SYNC: variants seen among roughly 807,000 people sequenced by gnomAD.
SYNC encodes the protein syncoilin, intermediate filament protein, also known as syncoilin.
In SYNC, 38 loss-of-function variants were observed where a neutral mutation model predicts 49.5. That is an observed-to-expected ratio of 0.77 (90% CI 0.59 to 1.01). The LOEUF (loss-of-function observed/expected upper bound fraction) is 1.01. SYNC is among the 50% of genes least tolerant of loss of function. SYNC has a pLI of 0.00. For synonymous variants in SYNC, 201 were observed against 230.8 expected, an observed-to-expected ratio of 0.87 and a Z score of 1.17; for missense variants, 579 against 580.6, an observed-to-expected ratio of 1.00 and a Z score of 0.03.
At chr1:32,685,725 A>T (rs1030737604) in intron 2 of SYNC, 2 of 152,156 alleles carry the variant, frequency 1.3e-5, no homozygotes, top group African/African-American at 4.8e-5. Context: ...TACCTACCAG[A>T]CCCGTTGGTA....
rs746762286 is a variant in SYNC at position 32,695,028 on chromosome 1, C to T, written c.1070G>A (p.Gly357Glu). 1 of 1,613,912 alleles carries T rather than the reference C, an allele frequency of 6.2e-7. No individual in the cohort carries two copies. The highest frequency in any genetic ancestry group is 1.7e-5 in the Admixed American group (1 of 59,962). ...FLRLLERKEA[G>E]TKALQRTQAE... The stretch of plus-strand genomic sequence containing the variant: ...CTGGGTTCTCTGCAGAGCTTTGGTC[C>T]CAGCTTCTTTCCTCTCTAGGAGCCG... Residue 357 changes from glycine to glutamate, a missense_variant, in exon 2 of 5, where the codon GGG becomes GAG. Physicochemically the swap from Gly to Glu is moderately conservative, Grantham distance 98. Transcript: ENST00000409190.
chr1:32,686,207 G>T (rs1649820456), intron 2 of SYNC: 1 of 152,186 alleles, frequency 6.6e-6, no homozygotes, highest in African/African-American at 2.4e-5. Flanking sequence ...ATGCATTAAA[G>T]TTAATTTCAT....
chr1:32,681,462 A>G lies in SYNC; in HGVS notation c.*388T>C. 4.8e-6 allele frequency: 1 copy of G among 209,986 alleles called. No individual in the cohort carries two copies. The highest frequency in any genetic ancestry group is 9.4e-6 in the Non-Finnish European group (1 of 106,112). The allele number at this position is 209,986 out of a possible 1,614,324, so 13.0% of individuals were successfully genotyped here. A position where few individuals can be genotyped will look rare whatever the true frequency, so the allele number is the denominator to read the frequency against. On this transcript the variant is annotated 3_prime_UTR_variant, in exon 5 of 5. Coordinates refer to ENST00000409190, the MANE Select transcript of SYNC (RefSeq NM_030786.3). ...TTTTTGACCCCACATGTGCCCCTCA[A>G]AAATGTTTTTGGTTTGGGTCAACAC...
chr1:32,682,161 C>T, intron 4 of SYNC: 2 of 371,986 alleles, frequency 5.4e-6, no homozygotes, highest in Non-Finnish European at 9.9e-6. Context: ...ACAATCTGAT[C>T]AACACAAAGG....
intron 2 of SYNC, among the ~76,000 whole-genome samples, chr1:32,690,478 C>G (rs1411515535): frequency 6.6e-6 from 1 of 151,130 alleles, no homozygotes; most frequent in Non-Finnish European, 1.5e-5. Flanking sequence ...AGCCCCATCT[C>G]TACTAAAAAT....
intron 1 of SYNC, among the ~76,000 whole-genome samples, chr1:32,699,523 G>T (rs1650585393): frequency 6.6e-6 from 1 of 151,922 alleles, no homozygotes; most frequent in African/African-American, 2.4e-5. Context: ...CACTATCAGG[G>T]CCCTACTCCA....
intron 2 of SYNC, among the ~76,000 whole-genome samples, chr1:32,686,371 C>T (rs1213046046): frequency 6.6e-6 from 1 of 152,190 alleles, no homozygotes. Flanking sequence ...CCCTTGTTTT[C>T]TGCTGCCTTC....
Position 32,695,594 on chromosome 1 carries a change from G to A in SYNC, c.504C>T (p.Ser168=). 1 of 1,551,516 alleles carries A rather than the reference G, an allele frequency of 6.4e-7. No individual in the cohort carries two copies. The highest frequency in any genetic ancestry group is 1.2e-5 in the South Asian group (1 of 84,014). ...CCTCTAGCAATTCCAGGTCCTCTAT[G>A]CTCAGGTTCTCCTCCATGCTGGGGC... The part of the protein sequence containing the change: ...EQSPSMEENL[S]IEDLELLEGR... The change falls in exon 2 of 5, where the codon AGC becomes AGT. Residue 168 remains serine, a synonymous_variant. Coordinates refer to ENST00000409190, the MANE Select transcript of SYNC (RefSeq NM_030786.3).
chr1:32,687,452 C>A (rs1649908800), intron 2 of SYNC, among the ~76,000 whole-genome samples: 1 of 151,320 alleles, frequency 6.6e-6, no homozygotes, highest in Admixed American at 6.6e-5. Context: ...CAAGGTGGAT[C>A]ACGAGGTCAA....
intron 1 of SYNC, among the ~76,000 whole-genome samples, chr1:32,697,559 AC>A (rs1157828243): frequency 6.6e-6 from 1 of 151,850 alleles, no homozygotes; most frequent in Non-Finnish European, 1.5e-5. Context: ...ACATGGCGAA[AC>A]CCCATCTCTA....
intron 2 of SYNC, among the ~76,000 whole-genome samples, chr1:32,687,010 G>T (rs1288233727): frequency 6.6e-6 from 1 of 152,152 alleles, no homozygotes; most frequent in African/African-American, 2.4e-5. Flanking sequence ...TTATCTGGGG[G>T]AGAAGGTCCA....
intron 2 of SYNC, among the ~76,000 whole-genome samples, chr1:32,693,428 T>G (rs542282149): frequency 1.3e-5 from 2 of 152,300 alleles, no homozygotes; most frequent in East Asian, 3.9e-4. Flanking sequence ...TGACAAAATC[T>G]TCAGTGAAGT....
intron 2 of SYNC, among the ~76,000 whole-genome samples, chr1:32,692,327 A>AT (rs1557874233): frequency 6.6e-6 from 1 of 152,202 alleles, no homozygotes; most frequent in Non-Finnish European, 1.5e-5. Context: ...AGATACAACT[A>AT]TTAATGTAAT....
chr1:32,683,091 G>A (rs1228113717), intron 4 of SYNC: 1 of 152,028 alleles, frequency 6.6e-6, no homozygotes, highest in Non-Finnish European at 1.5e-5. Flanking sequence ...GACCATCTTA[G>A]CCAACATGGT....
rs1238655357 is a variant in SYNC, at chr1:32,689,691, C to T, written c.1233+5174G>A. Among the ~76,000 whole-genome samples, 9 of 151,898 alleles carry T rather than the reference C, an allele frequency of 5.9e-5. No homozygotes were observed. The South Asian group carries it at 8.3e-4, about 14-fold the overall frequency. ...GGCGTGGTGGCTCATGCCTGTAATC[C>T]CAGCACTTTGGGAAGCCGAGGCGGG... On this transcript the variant is annotated intron_variant, in intron 2 of 4. Coordinates refer to ENST00000409190, the MANE Select transcript of SYNC (RefSeq NM_030786.3).
intron 2 of SYNC, among the ~76,000 whole-genome samples, chr1:32,693,004 AAAAT>A (rs1650237548): frequency 1.3e-5 from 2 of 152,068 alleles, no homozygotes; most frequent in South Asian, 2.1e-4. Context: ...CTCTGTCTCA[AAAAT>A]AAATAAATAA....
In SYNC at chr1:32,695,362, G is replaced by A; in HGVS notation, c.736C>T (p.Leu246Phe). Residue 246 changes from leucine to phenylalanine, a missense_variant, in exon 2 of 5, where the codon CTT (leucine) becomes TTT (phenylalanine). By Grantham distance (22) the Leu-to-Phe change is conservative. Transcript: ENST00000409190. ...ACACATTCCTTTGTCACTTTGAAAA[G>A]CTTCTGCTTGACCAGCCGGATCTCC... The part of the protein sequence containing the change: ...REEIRLVKQK[L>F]FKVTKECVAY... 2.6e-6 allele frequency: 4 copies of A among 1,551,650 alleles called. No homozygotes were observed. Among genetic ancestry groups the A allele is most frequent in the Non-Finnish European group, 3.5e-6 (4 of 1,147,070 alleles).
intron 1 of SYNC, among the ~76,000 whole-genome samples, chr1:32,698,451 G>A (rs903025263): frequency 2.0e-5 from 3 of 151,982 alleles, no homozygotes; most frequent in Non-Finnish European, 2.9e-5. Flanking sequence ...CCTGGGAAGC[G>A]GAGCTTGCAG....
chr1:32,680,324 G>A lies in SYNC; in HGVS notation c.*1526C>T. 1.6e-6 allele frequency: 2 copies of A among 1,288,850 alleles called. No homozygotes were observed. Among genetic ancestry groups the A allele is most frequent in the African/African-American group, 1.8e-5 (1 of 55,246 alleles). 79.8% of individuals were successfully genotyped at this position (1,288,850 alleles called of 1,614,324 possible). ...GCTGTTTTCATGTTGTTTATTTCCTGTCTGTGAAATGGTGTTTTTTTTTTT... is the reference window on the plus strand; with the variant it reads ...GCTGTTTTCATGTTGTTTATTTCCTATCTGTGAAATGGTGTTTTTTTTTTT... On this transcript the variant is annotated 3_prime_UTR_variant, in exon 5 of 5. Coordinates refer to ENST00000409190, the MANE Select transcript of SYNC (RefSeq NM_030786.3).
Sources: allele counts gnomAD v4.1 joint callset (sites outside exome capture counted in the v4.1 genomes callset), GRCh38; gene constraint gnomAD v4.1.1; transcripts MANE v1.5; gene names NCBI Gene and HGNC (gene_info 2026-07-23, HGNC 2026-07-21).